MACROD2: variants seen among roughly 807,000 people sequenced by gnomAD.
MACROD2 encodes ADP-ribose glycohydrolase MACROD2.
In MACROD2, 36 loss-of-function variants were observed where a neutral mutation model predicts 70.4. The observed-to-expected ratio is 0.51, with a 90% confidence interval of 0.39 to 0.68. The LOEUF (loss-of-function observed/expected upper bound fraction) is 0.68. MACROD2 is among the 30% of genes least tolerant of loss of function. The pLI is 0.00. For synonymous variants in MACROD2, 172 were observed against 178.8 expected (o/e 0.96, Z 0.30); for missense variants, 496 against 538.4 (o/e 0.92, Z 0.78).
intron 8 of MACROD2, among the ~76,000 whole-genome samples, chr20:15,605,978 G>T (rs2048887945): frequency 6.6e-6 from 1 of 152,104 alleles, no homozygotes. Context: ...ACAGTGAACT[G>T]ATTACATACT....
chr20:14,097,935 T>C (rs2054250523), intron 3 of MACROD2, among the ~76,000 whole-genome samples: 1 of 152,206 alleles, frequency 6.6e-6, no homozygotes, highest in Admixed American at 6.5e-5. Flanking sequence ...AATTTTCCAC[T>C]CGTGGTGTCA....
chr20:15,899,208 TCA>T (rs1332129610), intron 10 of MACROD2, among the ~76,000 whole-genome samples: 3 of 152,002 alleles, frequency 2.0e-5, no homozygotes, highest in African/African-American at 4.8e-5. Context: ...ACTTATCTAA[TCA>T]CACAGACATA....
intron 7 of MACROD2, among the ~76,000 whole-genome samples, chr20:15,492,688 G>A (rs1412048703): frequency 2.0e-5 from 3 of 152,148 alleles, no homozygotes; most frequent in Non-Finnish European, 4.4e-5. Flanking sequence ...TTCTATCAGT[G>A]CTGAAAGTCT....
chr20:15,374,006 C>T, intron 6 of MACROD2, among the ~76,000 whole-genome samples: 1 of 151,280 alleles, frequency 6.6e-6, no homozygotes, highest in East Asian at 1.9e-4. Flanking sequence ...GTTTGTTTTC[C>T]CTCTAATATG....
At chr20:15,810,722 C>T in intron 8 of MACROD2, among the ~76,000 whole-genome samples, 1 of 152,188 alleles carries the variant, frequency 6.6e-6, no homozygotes, top group Admixed American at 6.5e-5. Flanking sequence ...CAGCATGGTA[C>T]TGGTACCAAA....
At position 14,764,885 on chromosome 20, in the gene MACROD2, A is replaced by T. The variant is rs550189843; in HGVS notation, c.418+79926A>T. On this transcript the variant is annotated intron_variant, in intron 5 of 17. Coordinates refer to ENST00000684519, the MANE Select transcript of MACROD2 (RefSeq NM_001351661.2). ...GAGGTGGAGAGGGGGATCAGGATGG[A>T]TGGAATATTTGATAGACAAGGAACC... Among the ~76,000 whole-genome samples, 5 of 152,106 alleles carry T rather than the reference A, an allele frequency of 3.3e-5. 1 individual carries two copies. The highest frequency in any genetic ancestry group is 1.2e-4 in the African/African-American group (5 of 41,468).
chr20:15,879,872 T>C (rs1354487362), intron 9 of MACROD2, among the ~76,000 whole-genome samples: 5 of 152,078 alleles, frequency 3.3e-5, no homozygotes, highest in Admixed American at 6.6e-5. Context: ...CGTGTAGTTG[T>C]AGTCTGAATG....
chr20:14,101,183 C>T (rs1482037913), intron 3 of MACROD2, among the ~76,000 whole-genome samples: 1 of 151,770 alleles, frequency 6.6e-6, no homozygotes, highest in Non-Finnish European at 1.5e-5. Context: ...CTTTTTATTC[C>T]ATTGGCTACC....
chr20:15,835,303 ATAAT>A (rs2064101648), intron 8 of MACROD2, among the ~76,000 whole-genome samples: 1 of 152,172 alleles, frequency 6.6e-6, no homozygotes, highest in South Asian at 2.1e-4. Context: ...TTGGCAATAC[ATAAT>A]TAATACAAAT....
At chr20:15,401,679 G>A (rs2045932377) in intron 6 of MACROD2, among the ~76,000 whole-genome samples, 2 of 152,224 alleles carry the variant, frequency 1.3e-5, no homozygotes, top group African/African-American at 4.8e-5. Context: ...ACTTAGAATA[G>A]CAATAGGGTT....
At chr20:15,237,093 T>G (rs2077020139) in intron 6 of MACROD2, among the ~76,000 whole-genome samples, 1 of 152,210 alleles carries the variant, frequency 6.6e-6, no homozygotes, top group African/African-American at 2.4e-5. Context: ...ATGGGAAAAC[T>G]GTCCCTCCTC....
At chr20:15,791,551 T>A (rs1316238708) in intron 8 of MACROD2, among the ~76,000 whole-genome samples, 1 of 152,008 alleles carries the variant, frequency 6.6e-6, no homozygotes, top group Non-Finnish European at 1.5e-5. Flanking sequence ...GGGGGATGTA[T>A]AATTTTTAAG....
At position 14,423,755 on chromosome 20, in the gene MACROD2, A is replaced by ATTTTTTTTTTTTTT. The variant is rs1165796772; in HGVS notation, c.272-69713_272-69700dup. ...GTCCACCATTTTGCTGACATCTTAA[A>ATTTTTTTTTTTTTT]TTTTTTTTTTTTTTTTTTTTTTTTG... On this transcript the variant is annotated intron_variant, in intron 3 of 17. Coordinates refer to ENST00000684519, the MANE Select transcript of MACROD2 (RefSeq NM_001351661.2). Among the ~76,000 whole-genome samples the ATTTTTTTTTTTTTT allele has an allele frequency of 1.6e-3, 100 of 63,106 alleles. 5 individuals carry two copies. The highest frequency in any genetic ancestry group is 2.2e-3 in the Non-Finnish European group (79 of 35,544). The allele number at this position is 63,106 out of a possible 152,430, so 41.4% of individuals were successfully genotyped here. A position where few individuals can be genotyped will look rare whatever the true frequency, so the allele number is the denominator to read the frequency against.
intron 3 of MACROD2, among the ~76,000 whole-genome samples, chr20:14,097,262 AT>A (rs2054240743): frequency 6.6e-6 from 1 of 152,182 alleles, no homozygotes; most frequent in South Asian, 2.1e-4. Context: ...GAGCTTGGGG[AT>A]AAATACATCC....
At chr20:14,079,119 CAGAT>C (rs374077467) in intron 2 of MACROD2, among the ~76,000 whole-genome samples, 45 of 152,314 alleles carry the variant, frequency 3.0e-4, no homozygotes, top group African/African-American at 8.4e-4. Flanking sequence ...TTATTATCCA[CAGAT>C]AGTTTTTCTT....
chr20:15,022,702 TTA>T (rs1417533856), intron 5 of MACROD2: 1 of 152,086 alleles, frequency 6.6e-6, no homozygotes, highest in Non-Finnish European at 1.5e-5. Flanking sequence ...TTACATAGCT[TTA>T]TGAGTTTTGC....
intron 3 of MACROD2, among the ~76,000 whole-genome samples, chr20:14,425,758 C>T (rs113154255): frequency 0.018 from 2,677 of 152,194 alleles, 70 homozygotes; most frequent in African/African-American, 0.06. Flanking sequence ...GGGGACTCTT[C>T]GCATCTTTCC....
chr20:14,559,613 T>G (rs1458907835), intron 4 of MACROD2, among the ~76,000 whole-genome samples: 4 of 151,866 alleles, frequency 2.6e-5, no homozygotes, highest in African/African-American at 9.7e-5. Context: ...ACTTTCTGTT[T>G]TTATAACTTA....
intron 3 of MACROD2, among the ~76,000 whole-genome samples, chr20:14,411,221 T>C (rs1173443082): frequency 6.6e-6 from 1 of 152,128 alleles, no homozygotes; most frequent in Admixed American, 6.6e-5. Context: ...TGCCCAGTAT[T>C]CTGGGATAGA....
Sources: allele counts gnomAD v4.1 joint callset (sites outside exome capture counted in the v4.1 genomes callset), GRCh38; gene constraint gnomAD v4.1.1; transcripts MANE v1.5; gene names NCBI Gene and HGNC (gene_info 2026-07-23, HGNC 2026-07-21).